The following NR2C1 variants were observed in gnomAD, a reference collection of about 807,000 sequenced individuals.
NR2C1 encodes the protein TR2 nuclear hormone receptor.
Under a neutral mutation model 74.8 loss-of-function variants are expected in NR2C1, and 33 were observed. The ratio of observed to expected loss-of-function variants is 0.44; its 90% CI spans 0.33 to 0.59. NR2C1 has a LOEUF of 0.59. NR2C1 is among the 20% of genes least tolerant of loss of function. NR2C1 has a pLI of 0.02. For synonymous variants in NR2C1, 225 were observed against 240.6 expected (o/e 0.94, Z 0.60); for missense variants, 568 against 715.6 (o/e 0.79, Z 2.35).
At chr12:95,057,138 CTT>C (rs1442198978) in intron 7 of NR2C1, among the ~76,000 whole-genome samples, 1 of 115,920 alleles carries the variant, frequency 8.6e-6, no homozygotes, top group Non-Finnish European at 1.7e-5. Context: ...GAGTTTCGCT[CTT>C]GTTGCCCAGG....
intron 2 of NR2C1, among the ~76,000 whole-genome samples, chr12:95,065,795 C>T (rs756273480): frequency 6.6e-6 from 1 of 151,820 alleles, no homozygotes; most frequent in Non-Finnish European, 1.5e-5. Context: ...ATTAAAAATA[C>T]AAAATTTAGC....
intron 4 of NR2C1, among the ~76,000 whole-genome samples, chr12:95,058,992 T>C (rs1038638178): frequency 1.3e-5 from 2 of 152,190 alleles, no homozygotes; most frequent in African/African-American, 4.8e-5. Context: ...CCAAAATTTC[T>C]AGTTTTCACA....
intron 9 of NR2C1, among the ~76,000 whole-genome samples, chr12:95,047,565 A>G (rs1304656398): frequency 5.3e-5 from 8 of 152,248 alleles, no homozygotes. Flanking sequence ...TTCTACTGGT[A>G]TACATATTTA....
chr12:95,033,459 T>C (rs945025786), intron 10 of NR2C1, among the ~76,000 whole-genome samples: 6 of 151,972 alleles, frequency 3.9e-5, no homozygotes, highest in Non-Finnish European at 8.8e-5. Context: ...AAAAATCAGA[T>C]CTAGGGGAAT....
intron 1 of NR2C1, chr12:95,072,513 T>C (rs562219980): frequency 2.4e-5 from 3 of 126,620 alleles, no homozygotes; most frequent in South Asian, 2.6e-4. Context: ...ACAGCAGAAA[T>C]GGTTCAAAAA....
At position 95,023,332 on chromosome 12, in the gene NR2C1, C is replaced by T. The variant is rs544695788; in HGVS notation, c.1638-929G>A. ...CTAGGAGGCAGAGGTTGCAGTGAGC[C>T]GAGATCATGCCACTGCACTCCAGCC... is the stretch of plus-strand genomic sequence containing the variant. On this transcript the variant is annotated intron_variant, in intron 13 of 13. Coordinates refer to ENST00000333003, the MANE Select transcript of NR2C1 (RefSeq NM_003297.4). Among the ~76,000 whole-genome samples, 18 of 152,020 alleles carry T rather than the reference C, an allele frequency of 1.2e-4. No homozygotes were observed. In the South Asian group the frequency reaches 3.1e-3, roughly 26 times the overall value.
intron 7 of NR2C1, among the ~76,000 whole-genome samples, chr12:95,056,653 T>C (rs1873922953): frequency 6.6e-6 from 1 of 152,138 alleles, no homozygotes; most frequent in African/African-American, 2.4e-5. Flanking sequence ...TAAGGGAGCA[T>C]AAAAGAAATA....
intron 8 of NR2C1, among the ~76,000 whole-genome samples, chr12:95,050,722 T>C (rs947177783): frequency 1.3e-5 from 2 of 151,760 alleles, no homozygotes; most frequent in Non-Finnish European, 2.9e-5. Flanking sequence ...TCCTATACAC[T>C]AATGTGTTCA....
chr12:95,051,944 CT>C lies in NR2C1; in HGVS notation c.784-2del. ...TTAAATCTCCCTGACATGATTCAGCCTTTAAAAAAAAGGGTATTAAAATTCT... is the reference window on the plus strand; with the variant it reads ...TTAAATCTCCCTGACATGATTCAGCCTTAAAAAAAAGGGTATTAAAATTCT... On this transcript the variant is annotated splice_acceptor_variant, in intron 7 of 13. Coordinates refer to ENST00000333003, the MANE Select transcript of NR2C1 (RefSeq NM_003297.4). LOFTEE classifies it high-confidence loss of function. 6.4e-7 allele frequency: 1 copy of C among 1,552,352 alleles called. No homozygotes were observed.
intron 9 of NR2C1, among the ~76,000 whole-genome samples, chr12:95,044,370 C>G (rs963318895): frequency 6.6e-6 from 1 of 151,730 alleles, no homozygotes; most frequent in Non-Finnish European, 1.5e-5. Flanking sequence ...CGGGTTCAAG[C>G]AATTCTCCTG....
intron 11 of NR2C1, 143 bp downstream of exon 11, chr12:95,031,206 G>A (rs1188402270): frequency 1.4e-6 from 1 of 696,494 alleles, no homozygotes; most frequent in South Asian, 4.6e-5. Context: ...TTATAAAATT[G>A]TAAAAATTAT....
chr12:95,042,965 CAAAAAAT>C (rs1871788315), intron 9 of NR2C1, among the ~76,000 whole-genome samples: 1 of 135,986 alleles, frequency 7.4e-6, no homozygotes, highest in African/African-American at 2.7e-5. Context: ...ACACACAAAA[CAAAAAAT>C]TAAAAATTTA....
chr12:95,072,580 T>A (rs1020416274), intron 1 of NR2C1: 4 of 151,834 alleles, frequency 2.6e-5, no homozygotes, highest in Non-Finnish European at 5.9e-5. Flanking sequence ...CTAAAGGCCG[T>A]AATTTTAGGT....
At position 95,028,631 on chromosome 12, in the gene NR2C1, A is replaced by C. The variant is rs936295027; in HGVS notation, c.1394-107T>G. On this transcript the variant is annotated intron_variant, in intron 11 of 13. Transcript: ENST00000333003. ...AATTTTGAAAAATTTTTTAATTCTT[A>C]AATTTTTTTTGAGACAGGGTTTTAC... 2.3e-4 allele frequency: 193 copies of C among 844,000 alleles called. 1 individual carries two copies. The highest frequency in any genetic ancestry group is 3.7e-5 in the Non-Finnish European group (20 of 536,404). 52.3% of individuals were successfully genotyped at this position (844,000 alleles called of 1,614,324 possible).
At chr12:95,062,839 C>T (rs1875003748) in intron 2 of NR2C1, 101 bp from the exon 3 acceptor site, 1 of 804,812 alleles carries the variant, frequency 1.2e-6, no homozygotes, top group East Asian at 2.7e-5. Context: ...TTCAATATAA[C>T]ACACACGTAC....
intron 1 of NR2C1, among the ~76,000 whole-genome samples, chr12:95,067,878 C>CTTTTTTT (rs35730526): frequency 1.8e-5 from 2 of 110,026 alleles, no homozygotes; most frequent in African/African-American, 6.4e-5. Flanking sequence ...CTCCATGTAT[C>CTTTTTTT]TTTTTTTTTT....
intron 11 of NR2C1, among the ~76,000 whole-genome samples, chr12:95,029,781 A>T (rs1324183005): frequency 6.6e-6 from 1 of 151,154 alleles, no homozygotes; most frequent in Non-Finnish European, 1.5e-5. Context: ...CTGGTCTTGA[A>T]CTCCTGACCT....
chr12:95,030,489 C>T, intron 11 of NR2C1: 1 of 1,544,552 alleles, frequency 6.5e-7, no homozygotes, highest in Non-Finnish European at 8.7e-7. Context: ...TCAACCATAG[C>T]TTTCCTGAAG....
At chr12:95,057,692 A>G in intron 6 of NR2C1, 39 bp downstream of exon 6, 1 of 1,612,742 alleles carries the variant, frequency 6.2e-7, no homozygotes, top group Non-Finnish European at 8.5e-7. Context: ...TGGGAAGAAA[A>G]ACAAAATGAC....
Sources: gnomAD v4.1 joint callset for allele counts (sites outside exome capture counted in the v4.1 genomes callset) on GRCh38, gnomAD v4.1.1 for gene constraint, MANE v1.5 for transcripts, NCBI Gene and HGNC (gene_info 2026-07-23, HGNC 2026-07-21) for gene names.